The following UBA6 variants were observed in gnomAD, a reference collection of about 807,000 sequenced individuals.
UBA6 encodes ubiquitin-like modifier-activating enzyme 6.
UBA6 carries 87 observed loss-of-function variants against 148.3 expected under a neutral mutation model. The ratio of observed to expected loss-of-function variants is 0.59; its 90% confidence interval spans 0.49 to 0.70. The LOEUF (loss-of-function observed/expected upper bound fraction) is 0.70. Ranked by LOEUF, UBA6 falls within the 30% of genes least tolerant of loss-of-function variation. The probability of loss-of-function intolerance (pLI) is 0.00; values close to 1 mark genes in which losing one functional copy is unlikely to be tolerated. For missense variants in UBA6, 1,186 were observed against 1,241.2 expected (o/e 0.96, Z 0.67); for synonymous variants, 376 against 401.0 (o/e 0.94, Z 0.75).
intron 27 of UBA6, among the ~76,000 whole-genome samples, chr4:67,627,778 A>C (rs1184184093): frequency 6.6e-6 from 1 of 151,280 alleles, no homozygotes; most frequent in Non-Finnish European, 1.5e-5. Context: ...GGTGGTCATT[A>C]CTCCACCTTT....
chr4:67,668,057 G>C (rs1730051952), intron 9 of UBA6, among the ~76,000 whole-genome samples: 1 of 151,962 alleles, frequency 6.6e-6, no homozygotes, highest in African/African-American at 2.4e-5. Flanking sequence ...TCCCTTTCTT[G>C]CATTCCTTAA....
rs149168115 is a variant in UBA6, at chr4:67,688,488, G to A, written c.135-6275C>T. 3.3e-3 allele frequency among the ~76,000 whole-genome samples: 508 copies of A among 152,176 alleles called. 6 individuals are homozygous for A. The highest frequency in any genetic ancestry group is 0.012 in the African/African-American group (479 of 41,528). ...AAAAAAATAAAACCCCTCTGAGAGA[G>A]ACAGAATGCAGAATACTATCAGAGG... is the stretch of plus-strand genomic sequence containing the variant. On this transcript the variant is annotated intron_variant, in intron 2 of 32. Coordinates refer to ENST00000322244, the MANE Select transcript of UBA6 (RefSeq NM_018227.6).
intron 13 of UBA6, among the ~76,000 whole-genome samples, chr4:67,653,366 C>T (rs1228571468): frequency 6.6e-6 from 1 of 152,122 alleles, no homozygotes; most frequent in Non-Finnish European, 1.5e-5. Flanking sequence ...GTTTTGCAGC[C>T]TCCGCTGGTG....
intron 4 of UBA6, 83 bp downstream of exon 4, chr4:67,681,480 C>G: frequency 2.3e-6 from 2 of 866,324 alleles, no homozygotes; most frequent in South Asian, 3.5e-5. Context: ...ATAATTAAAA[C>G]AAAGTATAAA....
At chr4:67,682,673 T>G (rs1730471177) in intron 2 of UBA6, among the ~76,000 whole-genome samples, 1 of 152,198 alleles carries the variant, frequency 6.6e-6, no homozygotes, top group Non-Finnish European at 1.5e-5. Flanking sequence ...AAGGACCTTG[T>G]TAAGTTATGC....
At chr4:67,668,459 C>T (rs1248567975) in intron 9 of UBA6, 92 bp downstream of exon 9, 2 of 1,231,678 alleles carry the variant, frequency 1.6e-6, no homozygotes, top group African/African-American at 3.0e-5. Context: ...GATCATGTCT[C>T]TCTGAGTTGA....
intron 13 of UBA6, among the ~76,000 whole-genome samples, chr4:67,652,452 C>G (rs1266959113): frequency 3.3e-5 from 5 of 152,184 alleles, no homozygotes; most frequent in Non-Finnish European, 7.3e-5. Context: ...AAGGAAGATG[C>G]AGCACAACTG....
rs1729381807 is a variant in UBA6, at chr4:67,644,699, A to C, written c.1475T>G (p.Met492Arg). 1 of 1,574,966 alleles carries C rather than the reference A, an allele frequency of 6.3e-7. No individual in the cohort carries two copies. Residue 492 changes from methionine (M) to arginine (R), a missense_variant and splice_region_variant, in exon 17 of 33, where the codon ATG (methionine) becomes AGG (arginine). Met to Arg is a moderately conservative substitution (Grantham distance 91). Coordinates refer to ENST00000322244, the MANE Select transcript of UBA6 (RefSeq NM_018227.6). ...LGVGTSKEKG[M>R]ITVTDPDLIE... ...AACTCTCAAGAATTGATATCTTACCATTCCTTTCTCTTTGCTTGTGCCAAC... is the reference window on the plus strand; with the variant it reads ...AACTCTCAAGAATTGATATCTTACCCTTCCTTTCTCTTTGCTTGTGCCAAC...
chr4:67,662,473 G>GTTTT, intron 12 of UBA6: 2 of 341,304 alleles, frequency 5.9e-6, no homozygotes, highest in Non-Finnish European at 1.0e-5. Flanking sequence ...AGTTTTTTTT[G>GTTTT]TTTTTTTTTT....
At chr4:67,641,325 C>A in intron 17 of UBA6, 97 bp from the exon 18 acceptor site, 1 of 713,136 alleles carries the variant, frequency 1.4e-6, no homozygotes. Context: ...ACAAATTATT[C>A]TAAATTAGTC....
chr4:67,622,612 T>G (rs1327044484), intron 32 of UBA6, among the ~76,000 whole-genome samples: 1 of 152,234 alleles, frequency 6.6e-6, no homozygotes, highest in Non-Finnish European at 1.5e-5. Flanking sequence ...TTAAGTGTAC[T>G]GGCCAAATCA....
chr4:67,690,448 G>T (rs976861392), intron 2 of UBA6, among the ~76,000 whole-genome samples: 1 of 152,006 alleles, frequency 6.6e-6, no homozygotes, highest in Non-Finnish European at 1.5e-5. Context: ...AAATTGTCAA[G>T]TGGGACTATA....
chr4:67,657,390 C>T (rs1355764988), intron 13 of UBA6, among the ~76,000 whole-genome samples: 3 of 152,138 alleles, frequency 2.0e-5, no homozygotes, highest in Non-Finnish European at 4.4e-5. Context: ...ACATCTACAA[C>T]CATCTGATCT....
At chr4:67,626,594 A>C (rs1728875294) in intron 27 of UBA6, 117 bp from the exon 28 acceptor site, 3 of 656,654 alleles carry the variant, frequency 4.6e-6, no homozygotes. Flanking sequence ...TATTTTGATC[A>C]GATTATTAAT....
At chr4:67,681,680 A>G in intron 3 of UBA6, 89 bp from the exon 4 acceptor site, 1 of 871,118 alleles carries the variant, frequency 1.1e-6, no homozygotes, top group South Asian at 1.9e-5. Context: ...ATCTGACTGC[A>G]TACTTTTAAC....
At chr4:67,641,943 T>G (rs181820013) in intron 17 of UBA6, among the ~76,000 whole-genome samples, 1 of 152,276 alleles carries the variant, frequency 6.6e-6, no homozygotes, top group East Asian at 1.9e-4. Flanking sequence ...CTTTAGCATT[T>G]TTAAACAAGA....
Position 67,669,344 on chromosome 4 carries a change from C to A in UBA6, c.670-670G>T, listed in dbSNP as rs961417955. On this transcript the variant is annotated intron_variant, in intron 8 of 32. Coordinates refer to ENST00000322244, the MANE Select transcript of UBA6 (RefSeq NM_018227.6). Reference sequence around the variant, plus strand: ...ATCACTCTTTGAGCAGAAAGATATACAGATTGACTTTTTGATAAATTTTTC... The same window carrying A: ...ATCACTCTTTGAGCAGAAAGATATAAAGATTGACTTTTTGATAAATTTTTC... 2.6e-5 allele frequency among the ~76,000 whole-genome samples: 4 copies of A among 152,096 alleles called. No homozygotes were observed. In the East Asian group the frequency reaches 7.7e-4, roughly 29 times the overall value.
intron 2 of UBA6, among the ~76,000 whole-genome samples, chr4:67,693,069 A>G (rs1341859342): frequency 2.0e-5 from 3 of 151,914 alleles, no homozygotes; most frequent in Admixed American, 6.6e-5. Flanking sequence ...TAGTAGTTAC[A>G]TATTTCCATA....
At chr4:67,700,361 T>C (rs571956364) in intron 1 of UBA6, among the ~76,000 whole-genome samples, 14 of 152,180 alleles carry the variant, frequency 9.2e-5, no homozygotes, top group Non-Finnish European at 1.8e-4. Context: ...ATGTAACCAC[T>C]TGCTTTATTA....
Sources: gnomAD v4.1 joint callset for allele counts (sites outside exome capture counted in the v4.1 genomes callset) on GRCh38, gnomAD v4.1.1 for gene constraint, MANE v1.5 for transcripts, NCBI Gene and HGNC (gene_info 2026-07-23, HGNC 2026-07-21) for gene names.